SCD5: variants seen among roughly 807,000 people sequenced by gnomAD.
The protein encoded by SCD5 is stearoyl-CoA desaturase 5, also known as acyl-CoA-desaturase 4.
In SCD5, 20 loss-of-function variants were observed where a neutral mutation model predicts 30.4. The observed-to-expected ratio is 0.66, with a 90% CI of 0.46 to 0.96. The LOEUF (loss-of-function observed/expected upper bound fraction) is 0.96, where lower values mean the gene tolerates loss of function less well. Ranked by LOEUF, SCD5 falls within the 40% of genes least tolerant of loss-of-function variation. SCD5 has a pLI of 0.00. For missense variants in SCD5, 381 were observed against 443.3 expected, an observed-to-expected ratio of 0.86 and a Z score of 1.26; for synonymous variants, 173 against 176.4, an observed-to-expected ratio of 0.98 and a Z score of 0.16.
At chr4:82,646,376 A>G (rs1727634062) in intron 3 of SCD5, among the ~76,000 whole-genome samples, 1 of 152,180 alleles carries the variant, frequency 6.6e-6, no homozygotes, top group Non-Finnish European at 1.5e-5. Context: ...CATTGCCCAC[A>G]GGGAATTGAA....
chr4:82,679,437 G>A (rs60545205), intron 3 of SCD5, among the ~76,000 whole-genome samples: 1,782 of 152,228 alleles, frequency 0.012, 38 homozygotes, highest in African/African-American at 0.041. Flanking sequence ...GAAACCAACA[G>A]AAAGCAGTGA....
chr4:82,785,902 A>C (rs749104852), intron 1 of SCD5, among the ~76,000 whole-genome samples: 1 of 152,174 alleles, frequency 6.6e-6, no homozygotes, highest in Non-Finnish European at 1.5e-5. Flanking sequence ...CACTCAAGTG[A>C]GTCATAGGCT....
intron 1 of SCD5, among the ~76,000 whole-genome samples, chr4:82,772,125 T>C (rs17351947): frequency 0.054 from 8,256 of 152,234 alleles, 272 homozygotes; most frequent in Middle Eastern, 0.095. Context: ...ATTGAATAAA[T>C]GTGTGAGTTG....
chr4:82,772,154 A>G (rs11737452), intron 1 of SCD5, among the ~76,000 whole-genome samples: 24,092 of 152,212 alleles, frequency 0.16, 2,315 homozygotes, highest in African/African-American at 0.26. Context: ...AAAGGAGTCC[A>G]GAATGACAGA....
chr4:82,709,507 G>A (rs1720036640), intron 1 of SCD5, among the ~76,000 whole-genome samples: 1 of 152,184 alleles, frequency 6.6e-6, no homozygotes, highest in Admixed American at 6.5e-5. Context: ...AGTTTGGGGG[G>A]CCAAAGAAGG....
chr4:82,685,801 T>C (rs1388108972), intron 2 of SCD5, among the ~76,000 whole-genome samples: 1 of 152,180 alleles, frequency 6.6e-6, no homozygotes, highest in Admixed American at 6.5e-5. Flanking sequence ...TTTTACTTAG[T>C]GTAACATACC....
intron 1 of SCD5, among the ~76,000 whole-genome samples, chr4:82,726,903 C>A (rs1394770087): frequency 1.3e-5 from 2 of 152,168 alleles, no homozygotes; most frequent in Non-Finnish European, 2.9e-5. Context: ...GAAAAGGAGA[C>A]ACATCTCCTT....
At chr4:82,660,908 G>A (rs929154277) in intron 3 of SCD5, 23 of 1,613,970 alleles carry the variant, frequency 1.4e-5, no homozygotes, top group African/African-American at 1.1e-4. Context: ...GAAAGAGCAC[G>A]CAGCATCAAG....
rs1727436720 is a variant in SCD5, at chr4:82,636,621, GC to G, written c.771del (p.Gln258ArgfsTer32). 2 of 1,614,164 alleles carry G rather than the reference GC, an allele frequency of 1.2e-6. No homozygotes were observed. Among genetic ancestry groups the G allele is most frequent in the East Asian group, 4.5e-5 (2 of 44,886 alleles). ...NRPYDKHISP[R>X]QNPLVALGAI... ...GCACCCAGAGCGACGAGTGGGTTCT[GC>G]CGAGGGCTGATGTGCTTGTCATAGG... On this transcript the variant is annotated frameshift_variant, in exon 4 of 5. Coordinates refer to ENST00000319540, the MANE Select transcript of SCD5 (RefSeq NM_001037582.3). LOFTEE classifies it high-confidence loss of function.
intron 1 of SCD5, among the ~76,000 whole-genome samples, chr4:82,790,596 G>T (rs371524752): frequency 1.3e-5 from 2 of 152,072 alleles, no homozygotes; most frequent in Non-Finnish European, 2.9e-5. Context: ...ACTGATTCTC[G>T]GTCCCATGGC....
intron 1 of SCD5, among the ~76,000 whole-genome samples, chr4:82,740,188 C>T (rs1256014527): frequency 2.0e-5 from 3 of 152,176 alleles, no homozygotes; most frequent in South Asian, 2.1e-4. Context: ...TTGAATGTAG[C>T]GCCCAAAGTA....
chr4:82,680,507 T>C (rs888395801), intron 3 of SCD5, among the ~76,000 whole-genome samples, 200 bp downstream of exon 3: 5 of 152,288 alleles, frequency 3.3e-5, no homozygotes, highest in African/African-American at 9.6e-5. Flanking sequence ...ATGAAACTTA[T>C]AACTCAAAAC....
chr4:82,756,732 A>G (rs1475330324), intron 1 of SCD5, among the ~76,000 whole-genome samples: 1 of 138,228 alleles, frequency 7.2e-6, no homozygotes, highest in East Asian at 2.1e-4. Flanking sequence ...GCTCTTTCCT[A>G]CTTGTAGCCG....
chr4:82,730,543 A>G (rs912666938), intron 1 of SCD5, among the ~76,000 whole-genome samples: 13 of 144,856 alleles, frequency 9.0e-5, no homozygotes, highest in Middle Eastern at 4.0e-3. Context: ...TGATCCGCCC[A>G]CCTTGGCCTC....
chr4:82,786,758 C>T (rs1284261477), intron 1 of SCD5, among the ~76,000 whole-genome samples: 8 of 149,408 alleles, frequency 5.4e-5, no homozygotes, highest in Admixed American at 2.7e-4. Flanking sequence ...CACCATTGCA[C>T]TCCAGCCTGG....
At chr4:82,688,457 G>A (rs187748534) in intron 2 of SCD5, among the ~76,000 whole-genome samples, 14 of 152,042 alleles carry the variant, frequency 9.2e-5, no homozygotes, top group Admixed American at 5.9e-4. Context: ...CTGTCTCTGG[G>A]GTCTAAACTT....
At chr4:82,716,878 T>C (rs182914000) in intron 1 of SCD5, among the ~76,000 whole-genome samples, 15 of 151,956 alleles carry the variant, frequency 9.9e-5, no homozygotes, top group Admixed American at 3.3e-4. Flanking sequence ...ATGTCTGCAC[T>C]AAATATGTAC....
At chr4:82,680,679 C>G (rs747812321) in intron 3 of SCD5, 28 bp downstream of exon 3, 2 of 1,609,528 alleles carry the variant, frequency 1.2e-6, no homozygotes, top group Non-Finnish European at 1.7e-6. Context: ...CCCTGAGGGA[C>G]AGCTCTCCGT....
intron 3 of SCD5, among the ~76,000 whole-genome samples, chr4:82,679,728 T>C (rs11099545): frequency 0.89 from 134,944 of 152,212 alleles, 59,902 homozygotes; most frequent in East Asian, 1. Context: ...ACTGCTCCCC[T>C]CAGCGTAAAA....
Sources: allele counts gnomAD v4.1 joint callset (sites outside exome capture counted in the v4.1 genomes callset), GRCh38; gene constraint gnomAD v4.1.1; transcripts MANE v1.5; gene names NCBI Gene and HGNC (gene_info 2026-07-23, HGNC 2026-07-21).